PCMT1: variants seen among roughly 807,000 people sequenced by gnomAD.
The protein encoded by PCMT1 is protein-L-isoaspartate(D-aspartate) O-methyltransferase.
In PCMT1, 9 loss-of-function variants were observed where a neutral mutation model predicts 29.2. The ratio of observed to expected loss-of-function variants is 0.31; its 90% CI spans 0.19 to 0.54. The LOEUF is 0.54. Among genes scored for constraint, PCMT1 ranks in the 20% least tolerant of loss-of-function variants. PCMT1 has a pLI of 0.95. For synonymous variants in PCMT1, 98 were observed against 97.5 expected (o/e 1.00, Z -0.03); for missense variants, 184 against 282.2 (o/e 0.65, Z 2.49).
intron 1 of PCMT1, among the ~76,000 whole-genome samples, chr6:149,764,869 G>A (rs1277240083): frequency 6.6e-6 from 1 of 151,270 alleles, no homozygotes; most frequent in Non-Finnish European, 1.5e-5. Flanking sequence ...GTGAAACCCC[G>A]TCTCTACTAA....
intron 3 of PCMT1, among the ~76,000 whole-genome samples, chr6:149,786,773 C>G (rs1158126521): frequency 6.7e-6 from 1 of 148,872 alleles, no homozygotes; most frequent in Admixed American, 6.7e-5. Flanking sequence ...TGAGCAGAGA[C>G]GCTCCTCACT....
chr6:149,758,214 T>C (rs1786594592), intron 1 of PCMT1, among the ~76,000 whole-genome samples: 1 of 125,952 alleles, frequency 7.9e-6, no homozygotes. Flanking sequence ...CTTTCTTTTT[T>C]TTTTTTTTTT....
chr6:149,761,254 G>T (rs1005886416), intron 1 of PCMT1, among the ~76,000 whole-genome samples: 3 of 115,936 alleles, frequency 2.6e-5, no homozygotes, highest in African/African-American at 1.1e-4. Flanking sequence ...AATTGTAAGG[G>T]TGATGTGTGT....
intron 1 of PCMT1, among the ~76,000 whole-genome samples, chr6:149,759,790 C>A (rs996411719): frequency 6.6e-6 from 1 of 152,130 alleles, no homozygotes; most frequent in Non-Finnish European, 1.5e-5. Context: ...CCACTGCGCC[C>A]GGCCTATTTT....
chr6:149,786,104 G>A (rs1049141674), intron 3 of PCMT1, among the ~76,000 whole-genome samples: 1 of 141,720 alleles, frequency 7.1e-6, no homozygotes, highest in Non-Finnish European at 1.5e-5. Flanking sequence ...TTCCCAGTAG[G>A]GGCGGCCGGG....
At chr6:149,779,154 G>C (rs1347219890) in intron 3 of PCMT1, among the ~76,000 whole-genome samples, 3 of 152,096 alleles carry the variant, frequency 2.0e-5, no homozygotes, top group Non-Finnish European at 4.4e-5. Context: ...ATTCCTTGAG[G>C]CACAGCGAGT....
At chr6:149,752,575 G>A (rs992184526) in intron 1 of PCMT1, among the ~76,000 whole-genome samples, 7 of 152,160 alleles carry the variant, frequency 4.6e-5, no homozygotes, top group African/African-American at 1.7e-4. Context: ...ACATTTATGT[G>A]CTACAACAGT....
intron 2 of PCMT1, chr6:149,771,877 G>C (rs1287466685): frequency 2.4e-6 from 1 of 409,702 alleles, no homozygotes; most frequent in Non-Finnish European, 4.8e-6. Flanking sequence ...TTTTCTTTAG[G>C]GGCCTTAGTG....
At chr6:149,755,771 C>G (rs1786481569) in intron 1 of PCMT1, among the ~76,000 whole-genome samples, 1 of 152,204 alleles carries the variant, frequency 6.6e-6, no homozygotes, top group Admixed American at 6.5e-5. Context: ...CAAACATCCA[C>G]TCCCTCTTGT....
At chr6:149,764,450 A>T (rs570413097) in intron 1 of PCMT1, among the ~76,000 whole-genome samples, 2 of 151,662 alleles carry the variant, frequency 1.3e-5, no homozygotes, top group South Asian at 4.2e-4. Context: ...TTAAAACTTT[A>T]AAAAAAAATG....
At chr6:149,764,279 TAACTA>T (rs1381738047) in intron 1 of PCMT1, among the ~76,000 whole-genome samples, 1 of 152,226 alleles carries the variant, frequency 6.6e-6, no homozygotes, top group East Asian at 1.9e-4. Flanking sequence ...TTGGACTACT[TAACTA>T]GTCTTTCTAA....
chr6:149,802,903 A>C, intron 7 of PCMT1, among the ~76,000 whole-genome samples: 1 of 151,796 alleles, frequency 6.6e-6, no homozygotes, highest in East Asian at 1.9e-4. Context: ...AAAATACAAA[A>C]TCAGCTGGGC....
At position 149,793,543 on chromosome 6, in the gene PCMT1, T is replaced by C; in HGVS notation, c.298-6T>C. On this transcript the variant is annotated splice_region_variant and splice_polypyrimidine_tract_variant and intron_variant, in intron 4 of 7. Coordinates refer to ENST00000464889, the MANE Select transcript of PCMT1 (RefSeq NM_001360452.2). ...ATGAGCTACTGAATTGTTTTCTCTT[T>C]TCCAGGTTGGATGTACTGGAAAAGT... 1 of 1,460,946 alleles carries C rather than the reference T, an allele frequency of 6.8e-7. No individual in the cohort carries two copies. Among genetic ancestry groups the C allele is most frequent in the Non-Finnish European group, 9.0e-7 (1 of 1,108,916 alleles). 90.5% of individuals were successfully genotyped at this position (1,460,946 alleles called of 1,614,324 possible).
At position 149,810,956 on chromosome 6, in the gene PCMT1, A is replaced by C. The variant is rs7818; in HGVS notation, c.*378A>C. On this transcript the variant is annotated 3_prime_UTR_variant, in exon 8 of 8. Transcript: ENST00000464889. ...AGGAGTGGTTTTTCTTTTCTTGGAC[A>C]CTTAATTCTGTTCTGATATTAATTT... 4.2e-6 allele frequency: 1 copy of C among 239,706 alleles called. No individual in the cohort carries two copies. Among genetic ancestry groups the C allele is most frequent in the Non-Finnish European group, 8.0e-6 (1 of 125,028 alleles). 14.8% of individuals were successfully genotyped at this position (239,706 alleles called of 1,614,324 possible). A position where few individuals can be genotyped will look rare whatever the true frequency, so the allele number is the denominator to read the frequency against.
chr6:149,805,511 G>A (rs890815989), intron 7 of PCMT1, among the ~76,000 whole-genome samples: 9 of 150,764 alleles, frequency 6.0e-5, no homozygotes, highest in East Asian at 4.0e-4. Context: ...GGAGAATGGC[G>A]TGAACCTGGG....
intron 7 of PCMT1, among the ~76,000 whole-genome samples, chr6:149,808,739 C>T (rs551955220): frequency 1.9e-4 from 29 of 151,914 alleles, no homozygotes; most frequent in South Asian, 1.2e-3. Context: ...CTGGTTTAAG[C>T]GATTCTCCTG....
rs190945822 is a variant in PCMT1 at position 149,805,133 on chromosome 6, T to C, written c.*37+2717T>C. 1.1e-4 allele frequency among the ~76,000 whole-genome samples: 16 copies of C among 152,222 alleles called. No homozygotes were observed. In the East Asian group the frequency reaches 3.1e-3, roughly 29 times the overall value. The stretch of plus-strand genomic sequence containing the variant: ...GGTGTGCACCTCTAGTTCTGGCTAC[T>C]TGGGAGGCTGAGATAAGAGGATCAC... On this transcript the variant is annotated intron_variant, in intron 7 of 7. Transcript: ENST00000464889.
intron 1 of PCMT1, among the ~76,000 whole-genome samples, chr6:149,764,237 G>A (rs1451717269): frequency 6.6e-6 from 1 of 152,120 alleles, no homozygotes; most frequent in East Asian, 1.9e-4. Flanking sequence ...ATCTTAATTT[G>A]AATAACCCTA....
At chr6:149,775,908 C>T (rs933520097) in intron 3 of PCMT1, among the ~76,000 whole-genome samples, 3 of 152,030 alleles carry the variant, frequency 2.0e-5, no homozygotes, top group African/African-American at 4.8e-5. Context: ...ATCTGTAATC[C>T]CAGCACTTTG....
Sources: gnomAD v4.1 joint callset for allele counts (sites outside exome capture counted in the v4.1 genomes callset) on GRCh38, gnomAD v4.1.1 for gene constraint, MANE v1.5 for transcripts, NCBI Gene and HGNC (gene_info 2026-07-23, HGNC 2026-07-21) for gene names.